Variants in LRRC37B observed in about 807,000 individuals in gnomAD.
The protein encoded by LRRC37B is leucine-rich repeat-containing protein 37B.
A neutral mutation model predicts 98.3 loss-of-function variants in LRRC37B; 28 were observed. The observed-to-expected ratio is 0.28, with a 90% CI of 0.21 to 0.39. LRRC37B has a LOEUF of 0.39. Among genes scored for constraint, LRRC37B ranks in the 10% least tolerant of loss-of-function variants. The probability of loss-of-function intolerance (pLI) is 1.00; values close to 1 mark genes in which losing one functional copy is unlikely to be tolerated. For missense variants in LRRC37B, 938 were observed against 1,182.7 expected (o/e 0.79, Z 3.03); for synonymous variants, 364 against 442.7 (o/e 0.82, Z 2.23).
intron 1 of LRRC37B, among the ~76,000 whole-genome samples, chr17:32,012,181 C>G (rs780475978): frequency 7.0e-4 from 107 of 152,210 alleles, no homozygotes; most frequent in Non-Finnish European, 1.4e-3. Context: ...AAGGTCTGCT[C>G]TATCCTTGCT....
chr17:32,019,113 G>A (rs1910708392), upstream of LRRC37B, among the ~76,000 whole-genome samples: 1 of 152,174 alleles, frequency 6.6e-6, no homozygotes. Context: ...TTTTAGGAGA[G>A]ACTGTTTTTC....
At position 32,034,903 on chromosome 17, in the gene LRRC37B, T is replaced by A. The variant is rs1911205334; in HGVS notation, c.2058-7T>A. The A allele has an allele frequency of 3.1e-6, 5 of 1,607,890 alleles. No individual in the cohort carries two copies. The highest frequency in any genetic ancestry group is 4.3e-6 in the Non-Finnish European group (5 of 1,175,678). On this transcript the variant is annotated splice_polypyrimidine_tract_variant and splice_region_variant and intron_variant, in intron 5 of 11. Coordinates refer to ENST00000327564, the Ensembl canonical transcript of LRRC37B. ...GCAGGTAATTTTAATTTCATTGCAT[T>A]TTTCAGAATTCTCAATCGCAATCCT...
intron 10 of LRRC37B, 101 bp downstream of exon 13, chr17:32,049,495 T>C (rs1911686654): frequency 7.7e-7 from 1 of 1,290,694 alleles, no homozygotes; most frequent in African/African-American, 1.5e-5. Flanking sequence ...GGCCATAGCT[T>C]GTCTTGGCCA....
At chr17:32,032,589 G>T (rs963590285) in intron 5 of LRRC37B, among the ~76,000 whole-genome samples, 1 of 152,122 alleles carries the variant, frequency 6.6e-6, no homozygotes, top group Non-Finnish European at 1.5e-5. Context: ...CCTTTCTTGT[G>T]GTTCAGAAAT....
intron 7 of LRRC37B, among the ~76,000 whole-genome samples, chr17:32,039,405 A>G (rs1377908415): frequency 3.5e-5 from 5 of 143,898 alleles, no homozygotes; most frequent in African/African-American, 1.3e-4. Flanking sequence ...TGAACCCAGG[A>G]GGTAGAGGTT....
chr17:32,024,108 G>C (rs1314045663), intron 1 of LRRC37B, among the ~76,000 whole-genome samples: 2 of 151,702 alleles, frequency 1.3e-5, no homozygotes, highest in Admixed American at 1.3e-4. Flanking sequence ...TTATGTTCAA[G>C]TATAGACATG....
Position 32,049,371 on chromosome 17 carries a change from C to T in LRRC37B, c.2734C>T (p.Gln912Ter). ...TAATGAGAACATGGAACAGAATGAA[C>T]AGAAAGAGCAGAAGTCAAGTGAGGT... Residue 912 changes from glutamine (Q) to a stop codon, truncating the protein, a stop_gained, in exon 10 of 12, where the codon CAG becomes TAG. Transcript: ENST00000327564. LOFTEE classifies it high-confidence loss of function. 1 of 1,610,270 alleles carries T rather than the reference C, an allele frequency of 6.2e-7. No homozygotes were observed. Among genetic ancestry groups the T allele is most frequent in the Non-Finnish European group, 8.5e-7 (1 of 1,177,276 alleles).
chr17:32,013,710 A>ATGTGTGTGTGTGTGTGTGTGTG (rs141872427), intron 1 of LRRC37B, among the ~76,000 whole-genome samples: 2 of 148,068 alleles, frequency 1.4e-5, no homozygotes, highest in African/African-American at 5.0e-5. Context: ...ATAATTGTAT[A>ATGTGTGTGTGTGTGTGTGTGTG]TGTGTGTGTG....
At chr17:32,053,150 CA>C in intron 11 of LRRC37B, 115 bp from the exon 15 acceptor site, 1 of 742,510 alleles carries the variant, frequency 1.3e-6, no homozygotes, top group South Asian at 1.6e-5. Flanking sequence ...TTCCTGTCTT[CA>C]AAAAAGTTAT....
chr17:32,043,754 T>C (rs1421468099), intron 7 of LRRC37B, among the ~76,000 whole-genome samples: 4 of 152,224 alleles, frequency 2.6e-5, no homozygotes, highest in Non-Finnish European at 5.9e-5. Flanking sequence ...ACAGTTTTAA[T>C]TTAAAACTCT....
rs550978293 is a variant in LRRC37B at position 32,014,863 on chromosome 17, G to A, written c.-190-3109G>A. Among the ~76,000 whole-genome samples the A allele has an allele frequency of 1.1e-4, 16 of 152,338 alleles. No homozygotes were observed. The East Asian group carries it at 2.7e-3, about 26-fold the overall frequency. On this transcript the variant is annotated intron_variant, in intron 1 of 14. Coordinates refer to the LRRC37B transcript ENST00000543378. ...TAGCACTCTATAGGCCAGGCATGGT[G>A]GCTCACACCTGTAATCCCAGCACTT...
In LRRC37B at chr17:32,021,915, CT is replaced by C. The variant is rs1356320027; in HGVS notation, c.853del (p.Ser285LeufsTer5). On this transcript the variant is annotated frameshift_variant, in exon 1 of 12. Transcript: ENST00000327564. LOFTEE classifies it high-confidence loss of function. ...TCCAGGGCCTCCTGAGCAAGTTGGACTTTCTCAATTCCATCTAGAGCCCAAA... is the reference window on the plus strand; with the variant it reads ...TCCAGGGCCTCCTGAGCAAGTTGGACTTCTCAATTCCATCTAGAGCCCAAA... The C allele has an allele frequency of 6.2e-7, 1 of 1,614,036 alleles. No homozygotes were observed. The highest frequency in any genetic ancestry group is 1.3e-5 in the African/African-American group (1 of 74,910).
rs553912816 is a variant in LRRC37B, at chr17:32,033,358, G to A, written c.2058-1552G>A. 2.0e-5 allele frequency among the ~76,000 whole-genome samples: 3 copies of A among 150,158 alleles called. No individual in the cohort carries two copies. The East Asian group carries it at 5.9e-4, about 30-fold the overall frequency. On this transcript the variant is annotated intron_variant, in intron 5 of 11. Coordinates refer to ENST00000327564, the Ensembl canonical transcript of LRRC37B. ...AGGGGAGGGAGGGAAGGGAGGGAAG[G>A]GAAAGAAGGAGGGAGGGAGGGAAAT...
chr17:32,022,293 G>C, exon 1 of LRRC37B: 1 of 1,613,932 alleles, frequency 6.2e-7, no homozygotes, highest in South Asian at 1.1e-5. Flanking sequence ...TTCTTCTACA[G>C]CCCTGAGGAC....
intron 1 of LRRC37B, among the ~76,000 whole-genome samples, chr17:32,015,765 C>A (rs550920776): frequency 6.6e-6 from 1 of 152,268 alleles, no homozygotes; most frequent in East Asian, 1.9e-4. Context: ...GTTTTAGTTA[C>A]TACCATAACT....
chr17:32,013,659 T>C (rs1910585307), intron 1 of LRRC37B, among the ~76,000 whole-genome samples: 1 of 152,044 alleles, frequency 6.6e-6, no homozygotes, highest in Non-Finnish European at 1.5e-5. Context: ...CGTCAAAGTA[T>C]TGCAACCATA....
rs889058085 is a variant in LRRC37B, at chr17:32,040,959, G to A, written c.2205-4741G>A. On this transcript the variant is annotated intron_variant, in intron 7 of 11. Transcript: ENST00000327564. ...AAAGAAGCGGCAGGGCAAGATCCCC[G>A]ATGAGGAGCTGCGTCAGGCGCTGGA... 12 of 925,938 alleles carry A rather than the reference G, an allele frequency of 1.3e-5. No individual in the cohort carries two copies. The African/African-American group carries it at 1.8e-4, about 14-fold the overall frequency. The allele number at this position is 925,938 out of a possible 1,614,324, so 57.4% of individuals were successfully genotyped here. A position where few individuals can be genotyped will look rare whatever the true frequency, so the allele number is the denominator to read the frequency against.
At chr17:32,027,375 TTGTGTGTGTGTGCTTGCA>T (rs1363351899) in intron 2 of LRRC37B, among the ~76,000 whole-genome samples, 86 of 137,280 alleles carry the variant, frequency 6.3e-4, no homozygotes, top group Admixed American at 2.2e-3. Flanking sequence ...GTGTGTGTGC[TTGTGTGTGTGTGCTTGCA>T]TGTGTGTGTG....
chr17:32,009,479 TG>T lies in LRRC37B; in HGVS notation c.-191+1348del, dbSNP rs1910480860. Among the ~76,000 whole-genome samples, 3 of 152,210 alleles carry T rather than the reference TG, an allele frequency of 2.0e-5. No individual in the cohort carries two copies. The South Asian group carries it at 6.2e-4, about 32-fold the overall frequency. ...AAATAGAGATGGGGTTTTGATATGT[TG>T]CCCAGACTGATTTTGAATCCTGGGC... On this transcript the variant is annotated intron_variant, in intron 1 of 14. Transcript: ENST00000543378.
Sources: allele counts gnomAD v4.1 joint callset (sites outside exome capture counted in the v4.1 genomes callset), GRCh38; gene constraint gnomAD v4.1.1; transcripts MANE v1.5; gene names NCBI Gene and HGNC (gene_info 2026-07-23, HGNC 2026-07-21).